Variants in NOTCH2 observed in about 807,000 individuals in gnomAD.
NOTCH2 encodes the protein notch receptor 2, also known as neurogenic locus notch homolog protein 2.
A neutral mutation model predicts 235.8 loss-of-function variants in NOTCH2; 29 were observed. That is an observed-to-expected ratio of 0.12 (90% CI 0.09 to 0.17). The LOEUF (loss-of-function observed/expected upper bound fraction) is 0.17, where lower values mean the gene tolerates loss of function less well. Ranked by LOEUF, NOTCH2 falls within the 10% of genes least tolerant of loss-of-function variation. The probability of loss-of-function intolerance (pLI) is 1.00; values close to 1 mark genes in which losing one functional copy is unlikely to be tolerated. For missense variants in NOTCH2, 2,285 were observed against 3,150.2 expected (o/e 0.73, Z 6.57); for synonymous variants, 1,086 against 1,141.5 (o/e 0.95, Z 0.98).
intron 3 of NOTCH2, among the ~76,000 whole-genome samples, chr1:119,999,972 A>AAGGAAGGAAGG (rs1652672030): frequency 2.6e-4 from 16 of 61,642 alleles, no homozygotes; most frequent in Admixed American, 1.6e-4. Context: ...AGAAAGAAAG[A>AAGGAAGGAAGG]AAGAAAGGAA....
chr1:120,023,296 G>A (rs1321771713), intron 2 of NOTCH2, among the ~76,000 whole-genome samples: 3 of 151,024 alleles, frequency 2.0e-5, no homozygotes, highest in Non-Finnish European at 4.4e-5. Flanking sequence ...AATTAGCCGG[G>A]CGTGGTGGCG....
At chr1:120,057,026 T>A (rs1655149192) in intron 1 of NOTCH2, among the ~76,000 whole-genome samples, 1 of 116,716 alleles carries the variant, frequency 8.6e-6, no homozygotes, top group Admixed American at 7.2e-5. Flanking sequence ...CTTAAATAAT[T>A]ATTAGATCAC....
In NOTCH2 at chr1:119,950,737, C is replaced by T. The variant is rs781953893; in HGVS notation, c.2466G>A (p.Val822=). The stretch of plus-strand genomic sequence containing the variant: ...TCCAGGACCCACCTGTGTATGGCAG[C>T]ACACAGTGGCAAGTGTAGCCACTTA... The part of the protein sequence containing the change: ...DDISGYTCHC[V]LPYTGKNCQT... The change falls in exon 15 of 34, where the codon GTG becomes GTA. Residue 822 remains valine (V), a synonymous_variant. Coordinates refer to ENST00000256646, the MANE Select transcript of NOTCH2 (RefSeq NM_024408.4). 1.2e-6 allele frequency: 2 copies of T among 1,610,692 alleles called. No homozygotes were observed. Among genetic ancestry groups the T allele is most frequent in the African/African-American group, 1.3e-5 (1 of 74,888 alleles).
chr1:119,968,351 A>T (rs1651226445), intron 6 of NOTCH2, 119 bp from the exon 7 acceptor site: 1 of 1,107,968 alleles, frequency 9.0e-7, no homozygotes, highest in Non-Finnish European at 1.3e-6. Context: ...CAACATGGAG[A>T]TTTATACGCA....
intron 14 of NOTCH2, among the ~76,000 whole-genome samples, chr1:119,952,038 A>G (rs2101120072): frequency 1.3e-5 from 2 of 152,386 alleles, no homozygotes; most frequent in South Asian, 4.1e-4. Flanking sequence ...AAACATGCTG[A>G]TGTATCACAA....
chr1:119,915,050 T>C lies in NOTCH2; in HGVS notation c.*256A>G, dbSNP rs1372438792. The C allele has an allele frequency of 1.9e-6, 1 of 536,454 alleles. No homozygotes were observed. Among genetic ancestry groups the C allele is most frequent in the Non-Finnish European group, 3.4e-6 (1 of 296,950 alleles). The allele number at this position is 536,454 out of a possible 1,614,324, so 33.2% of individuals were successfully genotyped here. On this transcript the variant is annotated 3_prime_UTR_variant, in exon 34 of 34. Coordinates refer to ENST00000256646, the MANE Select transcript of NOTCH2 (RefSeq NM_024408.4). ...TTCTCCAAATAGAAGAGAGTAAACA[T>C]GGACCCAAGGCTTGTATTCATCTTG...
chr1:119,966,881 C>T (rs1012112467), intron 8 of NOTCH2, among the ~76,000 whole-genome samples: 3 of 152,174 alleles, frequency 2.0e-5, no homozygotes, highest in African/African-American at 7.2e-5. Flanking sequence ...TCAAGGTCAG[C>T]AGTGCCTTTC....
chr1:119,995,925 T>G (rs1652428306), intron 4 of NOTCH2: 1 of 152,316 alleles, frequency 6.6e-6, no homozygotes, highest in Non-Finnish European at 1.5e-5. Flanking sequence ...CACAATCCCA[T>G]TATATGTGAA....
chr1:119,927,512 A>G (rs751812159), intron 23 of NOTCH2, among the ~76,000 whole-genome samples: 3 of 148,152 alleles, frequency 2.0e-5, no homozygotes, highest in Non-Finnish European at 4.4e-5. Flanking sequence ...ACTGTGCTCA[A>G]TGTATTCAAG....
At chr1:119,937,255 T>C (rs782637548) in intron 21 of NOTCH2, 27 bp downstream of exon 21, 3 of 1,609,130 alleles carry the variant, frequency 1.9e-6, no homozygotes, top group East Asian at 2.2e-5. Flanking sequence ...GGGAGGTCCA[T>C]GACCTCTGCT....
chr1:119,935,486 G>A lies in NOTCH2; in HGVS notation c.3641C>T (p.Pro1214Leu). The A allele has an allele frequency of 1.9e-6, 3 of 1,614,176 alleles. No homozygotes were observed. Among genetic ancestry groups the A allele is most frequent in the Non-Finnish European group, 2.5e-6 (3 of 1,180,020 alleles). ...DLVNHFKCSCPPGTRGLLCEE... is the reference protein window; with the variant it reads ...DLVNHFKCSCLPGTRGLLCEE... ...TGATTTCATACCCCGAGTGCCTGGT[G>A]GGCAAGAGCACTTGAAATGGTTCAC... is the stretch of plus-strand genomic sequence containing the variant. The change falls in exon 22 of 34, where the codon CCA (proline) becomes CTA (leucine). Residue 1214 changes from proline to leucine, a missense_variant. Physicochemically the swap from Pro to Leu is moderately conservative, Grantham distance 98. This residue lies in a region of NOTCH2 where 1,173 missense variants were observed against 1,515.3 expected (regional missense o/e 0.77). Coordinates refer to ENST00000256646, the MANE Select transcript of NOTCH2 (RefSeq NM_024408.4).
intron 2 of NOTCH2, among the ~76,000 whole-genome samples, chr1:120,023,436 C>CA (rs1404842852): frequency 3.6e-4 from 50 of 138,534 alleles, no homozygotes; most frequent in Middle Eastern, 3.5e-3. Context: ...GACTCTGTCT[C>CA]AAAAAAAAAC....
chr1:120,003,235 C>T (rs1236228800), intron 3 of NOTCH2, among the ~76,000 whole-genome samples: 3 of 152,076 alleles, frequency 2.0e-5, no homozygotes, highest in African/African-American at 4.8e-5. Context: ...CCTCAAATAT[C>T]GAACCCCAAG....
intron 1 of NOTCH2, among the ~76,000 whole-genome samples, chr1:120,053,628 T>C (rs58553565): frequency 0.044 from 6,106 of 138,074 alleles, 330 homozygotes; most frequent in East Asian, 0.38. Flanking sequence ...TACTAGACAA[T>C]AGTACTTTTA....
intron 1 of NOTCH2, among the ~76,000 whole-genome samples, chr1:120,067,155 C>A (rs1415950612): frequency 6.6e-6 from 1 of 152,098 alleles, no homozygotes; most frequent in Non-Finnish European, 1.5e-5. Context: ...GCAACTGGTA[C>A]CTTAGCAAAA....
At chr1:119,995,625 T>G (rs1652411447) in intron 4 of NOTCH2, 1 of 152,250 alleles carries the variant, frequency 6.6e-6, no homozygotes, top group Non-Finnish European at 1.5e-5. Flanking sequence ...AGTAATATTA[T>G]GTTAAGAAAA....
At position 119,915,811 on chromosome 1, in the gene NOTCH2, A is replaced by G. The variant is rs1370844431; in HGVS notation, c.6911T>C (p.Ile2304Thr). The change falls in exon 34 of 34, where the codon ATT becomes ACT. Residue 2304 changes from isoleucine to threonine, a missense_variant. Coordinates refer to ENST00000256646, the MANE Select transcript of NOTCH2 (RefSeq NM_024408.4). Reference protein sequence around the residue: ...ITTPREPLPPIVTFQLIPKGS... With the variant: ...ITTPREPLPPTVTFQLIPKGS... ...TTTAGGGATGAGCTGGAAAGTCACA[A>G]TGGGGGGCAAGGGCTCCCGAGGGGT... 3.1e-6 allele frequency: 5 copies of G among 1,613,344 alleles called. No individual in the cohort carries two copies. In the African/African-American group the frequency reaches 5.3e-5, roughly 17 times the overall value.
At chr1:120,000,301 C>T (rs1167334845) in intron 3 of NOTCH2, among the ~76,000 whole-genome samples, 3 of 151,816 alleles carry the variant, frequency 2.0e-5, no homozygotes, top group African/African-American at 7.3e-5. Context: ...TTTGGGAGGC[C>T]GAGGCAGGTG....
intron 22 of NOTCH2, among the ~76,000 whole-genome samples, chr1:119,934,224 T>C (rs1649768805): frequency 6.6e-6 from 1 of 152,204 alleles, no homozygotes; most frequent in Non-Finnish European, 1.5e-5. Flanking sequence ...CTTTTCACCA[T>C]GAGTGGAAAC....
Sources: allele counts gnomAD v4.1 joint callset (sites outside exome capture counted in the v4.1 genomes callset), GRCh38; gene constraint gnomAD v4.1.1; regional missense constraint gnomAD v4.1.1; transcripts MANE v1.5; gene names NCBI Gene and HGNC (gene_info 2026-07-23, HGNC 2026-07-21).